Variants in PTPN2 observed in about 807,000 individuals in gnomAD.
PTPN2 encodes protein tyrosine phosphatase non-receptor type 2.
In PTPN2, 19 loss-of-function variants were observed where a neutral mutation model predicts 57.3. That is an observed-to-expected ratio of 0.33 (90% CI 0.23 to 0.49). PTPN2 has a LOEUF of 0.49. PTPN2 is among the 20% of genes least tolerant of loss of function. PTPN2 has a pLI of 0.99. For synonymous variants in PTPN2, 153 were observed against 164.9 expected, an observed-to-expected ratio of 0.93 and a Z score of 0.55; for missense variants, 358 against 501.1, an observed-to-expected ratio of 0.71 and a Z score of 2.73.
downstream of PTPN2, among the ~76,000 whole-genome samples, chr18:12,791,323 T>A (rs192921996): frequency 1.4e-4 from 21 of 152,330 alleles, no homozygotes; most frequent in South Asian, 4.1e-4. Context: ...ACATTTTTTT[T>A]ATAATTTTTT....
chr18:12,847,990 T>C (rs1174790867), intron 2 of PTPN2, among the ~76,000 whole-genome samples: 1 of 151,992 alleles, frequency 6.6e-6, no homozygotes, highest in Non-Finnish European at 1.5e-5. Flanking sequence ...AAAAAAGCTG[T>C]CAACAACGGA....
intron 1 of PTPN2, among the ~76,000 whole-genome samples, chr18:12,882,269 G>A (rs186465833): frequency 1.3e-5 from 2 of 152,234 alleles, no homozygotes; most frequent in Admixed American, 6.5e-5. Flanking sequence ...TTTCAACTAG[G>A]AAAAAATAAT....
downstream of PTPN2, among the ~76,000 whole-genome samples, chr18:12,789,564 G>A (rs546446161): frequency 6.6e-6 from 1 of 152,364 alleles, no homozygotes; most frequent in East Asian, 1.9e-4. Flanking sequence ...GCTATGCACT[G>A]TGCGTCCAGC....
chr18:12,834,820 GAGGGAGAA>G (rs1262692513), intron 3 of PTPN2, among the ~76,000 whole-genome samples: 1 of 152,200 alleles, frequency 6.6e-6, no homozygotes, highest in African/African-American at 2.4e-5. Flanking sequence ...GAACAGTACA[GAGGGAGAA>G]AGGGTTGTGA....
chr18:12,878,499 G>A (rs1278435161), intron 1 of PTPN2, among the ~76,000 whole-genome samples: 1 of 151,702 alleles, frequency 6.6e-6, no homozygotes, highest in African/African-American at 2.4e-5. Flanking sequence ...GTGAAACCCC[G>A]TTTCTACTAA....
intron 1 of PTPN2, among the ~76,000 whole-genome samples, chr18:12,883,173 G>A (rs1281854854): frequency 1.3e-5 from 2 of 152,212 alleles, no homozygotes; most frequent in Admixed American, 1.3e-4. Flanking sequence ...TTTGATTTGA[G>A]GGGGCTTGCA....
intron 2 of PTPN2, among the ~76,000 whole-genome samples, chr18:12,857,957 C>G (rs558478615): frequency 6.6e-6 from 1 of 152,228 alleles, no homozygotes; most frequent in African/African-American, 2.4e-5. Flanking sequence ...GCCAATACAC[C>G]CTTCTTGGAA....
At chr18:12,871,310 A>G (rs1215877256) in intron 1 of PTPN2, among the ~76,000 whole-genome samples, 1 of 152,174 alleles carries the variant, frequency 6.6e-6, no homozygotes, top group Non-Finnish European at 1.5e-5. Context: ...ATAATATAAG[A>G]AAGTGCCTGA....
chr18:12,866,551 G>C (rs1003219961), intron 1 of PTPN2, among the ~76,000 whole-genome samples: 3 of 152,196 alleles, frequency 2.0e-5, no homozygotes, highest in Non-Finnish European at 4.4e-5. Context: ...AAGTAGATTA[G>C]TGGTTGTCAG....
chr18:12,821,438 A>G (rs1359867173), intron 5 of PTPN2: 1 of 152,234 alleles, frequency 6.6e-6, no homozygotes, highest in Non-Finnish European at 1.5e-5. Flanking sequence ...AAAGAGTGAC[A>G]AAGTTTGTCA....
At chr18:12,826,123 C>A (rs2145354082) in intron 4 of PTPN2, among the ~76,000 whole-genome samples, 179 bp from the exon 5 acceptor site, 1 of 152,318 alleles carries the variant, frequency 6.6e-6, no homozygotes, top group Admixed American at 6.5e-5. Context: ...AATTTTATAG[C>A]CGGGCGCGGT....
chr18:12,785,706 G>A, exon 10 of PTPN2: 1 of 896,762 alleles, frequency 1.1e-6, no homozygotes, highest in Non-Finnish European at 1.8e-6. Flanking sequence ...AAACAACTGT[G>A]AGGCAATCTA....
intron 2 of PTPN2, among the ~76,000 whole-genome samples, chr18:12,849,062 A>G (rs575075): frequency 0.91 from 138,029 of 152,278 alleles, 64,088 homozygotes; most frequent in East Asian, 1. Flanking sequence ...CCTTGTTCCC[A>G]ATATTTTTTT....
At chr18:12,814,034 T>C (rs985340182) in intron 7 of PTPN2, among the ~76,000 whole-genome samples, 169 bp downstream of exon 7, 1 of 152,148 alleles carries the variant, frequency 6.6e-6, no homozygotes, top group African/African-American at 2.4e-5. Flanking sequence ...GCTGAGTATA[T>C]ATGAGGAAGC....
At chr18:12,848,723 A>T (rs1282362431) in intron 2 of PTPN2, among the ~76,000 whole-genome samples, 2 of 152,264 alleles carry the variant, frequency 1.3e-5, no homozygotes, top group Non-Finnish European at 2.9e-5. Context: ...CTTGAGCAAG[A>T]ATCACCTATG....
chr18:12,793,372 CT>C lies in PTPN2; in HGVS notation c.*905del. ...AAATGCTGCTTCTTACTTTTGCTTC[CT>C]AAATCATAATCTACCCCAACTACAT... On this transcript the variant is annotated 3_prime_UTR_variant, in exon 9 of 9. Transcript: ENST00000309660. 1 of 979,172 alleles carries C rather than the reference CT, an allele frequency of 1.0e-6. No homozygotes were observed. Among genetic ancestry groups the C allele is most frequent in the African/African-American group, 1.7e-5 (1 of 57,154 alleles). The allele number at this position is 979,172 out of a possible 1,614,324, so 60.7% of individuals were successfully genotyped here.
chr18:12,796,707 C>T (rs772786285), intron 8 of PTPN2, among the ~76,000 whole-genome samples: 15 of 152,256 alleles, frequency 9.9e-5, no homozygotes, highest in African/African-American at 2.9e-4. Context: ...GAACTTTGTT[C>T]TTGCCGTTTT....
chr18:12,849,350 G>C (rs531876511), intron 2 of PTPN2, among the ~76,000 whole-genome samples: 3 of 152,196 alleles, frequency 2.0e-5, no homozygotes, highest in Non-Finnish European at 4.4e-5. Context: ...CCTGAGGTCA[G>C]GAGCTCGAGA....
intron 1 of PTPN2, among the ~76,000 whole-genome samples, chr18:12,860,229 C>T (rs534916096): frequency 6.6e-6 from 1 of 151,366 alleles, no homozygotes; most frequent in Admixed American, 6.6e-5. Flanking sequence ...GTGGAGGTTA[C>T]AGTGAGCCAA....
Sources: allele counts gnomAD v4.1 joint callset (sites outside exome capture counted in the v4.1 genomes callset), GRCh38; gene constraint gnomAD v4.1.1; transcripts MANE v1.5; gene names NCBI Gene and HGNC (gene_info 2026-07-23, HGNC 2026-07-21).